YME1L1: variants seen among roughly 807,000 people sequenced by gnomAD.
YME1L1 encodes ATP-dependent zinc metalloprotease YME1L1.
Under a neutral mutation model 90.4 loss-of-function variants are expected in YME1L1, and 39 were observed. The observed-to-expected ratio is 0.43, with a 90% CI of 0.33 to 0.56. The LOEUF (loss-of-function observed/expected upper bound fraction) is 0.56. Among genes scored for constraint, YME1L1 ranks in the 20% least tolerant of loss-of-function variants. YME1L1 has a pLI of 0.03. For missense variants in YME1L1, 617 were observed against 868.4 expected (o/e 0.71, Z 3.64); for synonymous variants, 284 against 287.3 (o/e 0.99, Z 0.12).
At chr10:27,135,598 G>A (rs563676837) in intron 5 of YME1L1, among the ~76,000 whole-genome samples, 6 of 152,290 alleles carry the variant, frequency 3.9e-5, no homozygotes, top group East Asian at 1.9e-4. Context: ...ATAGCCTTCA[G>A]TGCTCAAGAA....
At chr10:27,130,841 G>A (rs1262701825) in intron 8 of YME1L1, among the ~76,000 whole-genome samples, 8 of 152,312 alleles carry the variant, frequency 5.3e-5, no homozygotes, top group Non-Finnish European at 5.9e-5. Flanking sequence ...CAACAATAGC[G>A]AAACTCCGTC....
At chr10:27,138,735 A>C (rs957603478) in intron 4 of YME1L1, among the ~76,000 whole-genome samples, 2 of 152,158 alleles carry the variant, frequency 1.3e-5, no homozygotes, top group African/African-American at 4.8e-5. Context: ...TATCACCTGC[A>C]AATTATAATT....
At chr10:27,134,243 G>T (rs2057004276) in intron 6 of YME1L1, 121 bp from the exon 7 acceptor site, 1 of 816,410 alleles carries the variant, frequency 1.2e-6, no homozygotes, top group Non-Finnish European at 1.9e-6. Flanking sequence ...TTTGGAATCT[G>T]GCATTCTTTC....
chr10:27,145,146 A>C (rs1465084243), intron 3 of YME1L1, among the ~76,000 whole-genome samples: 2 of 152,202 alleles, frequency 1.3e-5, no homozygotes, highest in Non-Finnish European at 1.5e-5. Flanking sequence ...GTCTCAAAAA[A>C]AAAATTATTG....
At chr10:27,142,701 G>T (rs1049414471) in intron 3 of YME1L1, among the ~76,000 whole-genome samples, 8 of 152,006 alleles carry the variant, frequency 5.3e-5, no homozygotes, top group Non-Finnish European at 1.2e-4. Flanking sequence ...TCACTTGTTG[G>T]TTACATTATT....
Position 27,120,417 on chromosome 10 carries a change from G to T in YME1L1, c.1411+18C>A. On this transcript the variant is annotated intron_variant, in intron 13 of 18. Transcript: ENST00000376016. ...TTACCACTTTACAGAAATGACAAAT[G>T]TTTGTTTTGATACTTACATTGATCA... 1 of 1,570,648 alleles carries T rather than the reference G, an allele frequency of 6.4e-7. No individual in the cohort carries two copies. Among genetic ancestry groups the T allele is most frequent in the Non-Finnish European group, 8.8e-7 (1 of 1,142,050 alleles).
At chr10:27,136,091 T>C (rs2057024068) in intron 5 of YME1L1, among the ~76,000 whole-genome samples, 185 bp downstream of exon 5, 2 of 151,992 alleles carry the variant, frequency 1.3e-5, no homozygotes, top group Admixed American at 1.3e-4. Flanking sequence ...ATCTAGTAAG[T>C]GGAGAGGCAA....
At chr10:27,126,463 G>C (rs1283458311) in intron 9 of YME1L1, among the ~76,000 whole-genome samples, 1 of 151,682 alleles carries the variant, frequency 6.6e-6, no homozygotes, top group Non-Finnish European at 1.5e-5. Context: ...GGTATGAGGA[G>C]CATTCTATGT....
At chr10:27,147,470 T>C (rs761229004) in intron 2 of YME1L1, 44 of 1,613,890 alleles carry the variant, frequency 2.7e-5, no homozygotes, top group Middle Eastern at 3.3e-4. Context: ...TCATAGACAA[T>C]AGGCATTTGG....
chr10:27,141,601 G>GACACACACACAC (rs60043957), intron 4 of YME1L1, among the ~76,000 whole-genome samples: 3 of 141,476 alleles, frequency 2.1e-5, no homozygotes, highest in East Asian at 4.2e-4. Context: ...GATGTCCCTC[G>GACACACACACAC]ACACACACAC....
chr10:27,115,396 C>T (rs928773214), intron 17 of YME1L1, among the ~76,000 whole-genome samples: 16 of 150,742 alleles, frequency 1.1e-4, no homozygotes, highest in African/African-American at 3.7e-4. Flanking sequence ...ACTGTAGCCT[C>T]GACCTCCTGG....
intron 4 of YME1L1, among the ~76,000 whole-genome samples, chr10:27,139,335 A>G (rs2057062065): frequency 6.6e-6 from 1 of 152,082 alleles, no homozygotes; most frequent in Non-Finnish European, 1.5e-5. Flanking sequence ...CCAGAACTAC[A>G]GGGGCATGAT....
intron 4 of YME1L1, among the ~76,000 whole-genome samples, chr10:27,136,913 G>A (rs12764139): frequency 0.084 from 12,676 of 151,404 alleles, 732 homozygotes; most frequent in East Asian, 0.29. Flanking sequence ...GTGAGCCACC[G>A]CGCCTGGCCT....
At chr10:27,123,895 C>T (rs972828182) in intron 9 of YME1L1, among the ~76,000 whole-genome samples, 196 bp from the exon 10 acceptor site, 2 of 151,676 alleles carry the variant, frequency 1.3e-5, no homozygotes, top group Non-Finnish European at 2.9e-5. Flanking sequence ...AATTAATGTT[C>T]CTGTATTATA....
At chr10:27,149,431 C>T (rs984013447) in intron 1 of YME1L1, among the ~76,000 whole-genome samples, 2 of 152,088 alleles carry the variant, frequency 1.3e-5, no homozygotes, top group African/African-American at 2.4e-5. Context: ...TACCACTGGT[C>T]GAGTGCAGTG....
chr10:27,147,126 A>G, intron 2 of YME1L1: 1 of 464,258 alleles, frequency 2.2e-6, no homozygotes, highest in African/African-American at 1.9e-5. Flanking sequence ...CCAAACTGTG[A>G]AGAGCCATGT....
At chr10:27,141,259 G>A (rs1254181287) in intron 4 of YME1L1, among the ~76,000 whole-genome samples, 1 of 152,092 alleles carries the variant, frequency 6.6e-6, no homozygotes, top group Non-Finnish European at 1.5e-5. Flanking sequence ...AGCTGGGCCT[G>A]GTGGTGGGAA....
intron 7 of YME1L1, among the ~76,000 whole-genome samples, chr10:27,133,740 C>T (rs1348059561): frequency 1.3e-5 from 2 of 152,016 alleles, no homozygotes; most frequent in Non-Finnish European, 2.9e-5. Context: ...ATTTGTTTAT[C>T]TTTGAAATAG....
chr10:27,148,979 G>A lies in YME1L1; in HGVS notation c.95C>T (p.Ser32Phe). ...AFHTPKNTSV[S>F]LSGVSVSQNQ... ...TTGAGAAACTGACACTCCACTGAGAGAAACAGAAGTGTTTTTTGGTGTATG... is the reference window on the plus strand; with the variant it reads ...TTGAGAAACTGACACTCCACTGAGAAAAACAGAAGTGTTTTTTGGTGTATG... Residue 32 changes from serine (S) to phenylalanine (F), a missense_variant, in exon 2 of 19, where the codon TCT (serine) becomes TTT (phenylalanine). This residue lies in a region of YME1L1 where 311 missense variants were observed against 335.8 expected (regional missense o/e 0.93). Coordinates refer to ENST00000376016, the MANE Select transcript of YME1L1 (RefSeq NM_014263.4). 1 of 1,614,020 alleles carries A rather than the reference G, an allele frequency of 6.2e-7. No individual in the cohort carries two copies. The highest frequency in any genetic ancestry group is 8.5e-7 in the Non-Finnish European group (1 of 1,179,950).
Sources: gnomAD v4.1 joint callset for allele counts (sites outside exome capture counted in the v4.1 genomes callset) on GRCh38, gnomAD v4.1.1 for gene constraint, gnomAD v4.1.1 regional missense constraint, MANE v1.5 for transcripts, NCBI Gene and HGNC (gene_info 2026-07-23, HGNC 2026-07-21) for gene names.